Variants in RAB11FIP4 observed in about 807,000 individuals in gnomAD.
RAB11FIP4 encodes the protein RAB11 family interacting protein 4, also known as rab11 family-interacting protein 4.
RAB11FIP4 carries 23 observed loss-of-function variants against 74.3 expected under a neutral mutation model. The observed-to-expected ratio is 0.31, with a 90% confidence interval of 0.22 to 0.44. The LOEUF (loss-of-function observed/expected upper bound fraction) is 0.44. Among genes scored for constraint, RAB11FIP4 ranks in the 20% least tolerant of loss-of-function variants. The pLI is 1.00. For synonymous variants in RAB11FIP4, 360 were observed against 359.9 expected (o/e 1.00, Z 0.00); for missense variants, 630 against 863.9 (o/e 0.73, Z 3.39).
At chr17:31,481,064 C>CTGAAAGAATGAAGGAATGAA (rs2071844162) in intron 3 of RAB11FIP4, among the ~76,000 whole-genome samples, 3 of 152,014 alleles carry the variant, frequency 2.0e-5, no homozygotes, top group Admixed American at 1.3e-4. Flanking sequence ...GAAGGAATGA[C>CTGAAAGAATGAAGGAATGAA]TGAAAGAATG....
chr17:31,451,277 G>T (rs2071524222), intron 3 of RAB11FIP4, among the ~76,000 whole-genome samples: 1 of 151,868 alleles, frequency 6.6e-6, no homozygotes, highest in African/African-American at 2.4e-5. Context: ...TGGCCAACAT[G>T]GTGAAACCCC....
At chr17:31,398,398 G>A (rs952401481) in intron 1 of RAB11FIP4, among the ~76,000 whole-genome samples, 5 of 152,176 alleles carry the variant, frequency 3.3e-5, no homozygotes, top group Admixed American at 2.6e-4. Flanking sequence ...GAGTTCCAGC[G>A]TCATTCCCAA....
At chr17:31,525,344 C>G in intron 10 of RAB11FIP4, 114 bp downstream of exon 10, 1 of 1,047,544 alleles carries the variant, frequency 9.5e-7, no homozygotes. Flanking sequence ...GAGGGGCAGC[C>G]TCTTGAGACT....
chr17:31,474,055 G>A (rs1009098250), intron 3 of RAB11FIP4, among the ~76,000 whole-genome samples: 1 of 152,186 alleles, frequency 6.6e-6, no homozygotes, highest in Non-Finnish European at 1.5e-5. Flanking sequence ...CTTGGCTCCA[G>A]ATGCCCCGGG....
intron 3 of RAB11FIP4, among the ~76,000 whole-genome samples, chr17:31,505,594 T>TATAATATATAATA (rs1952948103): frequency 1.4e-5 from 1 of 69,842 alleles, no homozygotes; most frequent in Non-Finnish European, 2.5e-5. Context: ...AATAATTATA[T>TATAATATATAATA]ATTATATAAT....
At chr17:31,429,828 C>CAA (rs751342010) in intron 1 of RAB11FIP4, among the ~76,000 whole-genome samples, 8,870 of 79,194 alleles carry the variant, frequency 0.11, 609 homozygotes, top group Non-Finnish European at 0.13. Flanking sequence ...GATTCCATCT[C>CAA]AAAAAAAAAA....
chr17:31,508,513 G>A (rs1460731675), intron 3 of RAB11FIP4, among the ~76,000 whole-genome samples: 1 of 152,234 alleles, frequency 6.6e-6, no homozygotes, highest in Non-Finnish European at 1.5e-5. Context: ...CTGGACAGGT[G>A]TGGAATGTTG....
chr17:31,519,141 A>G (rs2072617599), intron 4 of RAB11FIP4, among the ~76,000 whole-genome samples: 1 of 150,146 alleles, frequency 6.7e-6, no homozygotes, highest in Non-Finnish European at 1.5e-5. Context: ...CAGCCTCCCA[A>G]GTAGCTGGGA....
At chr17:31,469,073 T>C (rs1056382132) in intron 3 of RAB11FIP4, among the ~76,000 whole-genome samples, 1 of 152,212 alleles carries the variant, frequency 6.6e-6, no homozygotes, top group African/African-American at 2.4e-5. Context: ...TGGCTTTCAT[T>C]CTTATTGCCC....
In RAB11FIP4 at chr17:31,535,468, C is replaced by T. The variant is rs144499052; in HGVS notation, c.*3736C>T. ...CCTCCCCAGGTGATGATATGCAGTC[C>T]GAGGTTGAGACTGCCCTGTCCTGCA... On this transcript the variant is annotated 3_prime_UTR_variant, in exon 15 of 15. Transcript: ENST00000621161. 1.3e-5 allele frequency: 2 copies of T among 152,096 alleles called. No homozygotes were observed. The highest frequency in any genetic ancestry group is 2.9e-5 in the Non-Finnish European group (2 of 68,028). The allele number at this position is 152,096 out of a possible 1,614,324, so 9.4% of individuals were successfully genotyped here.
intron 3 of RAB11FIP4, among the ~76,000 whole-genome samples, chr17:31,463,200 C>T (rs556122949): frequency 2.6e-4 from 40 of 152,188 alleles, no homozygotes; most frequent in Non-Finnish European, 3.4e-4. Context: ...ATGGAGAACA[C>T]GAGACTCCAG....
At chr17:31,459,337 A>G (rs766688406) in intron 3 of RAB11FIP4, among the ~76,000 whole-genome samples, 1 of 152,106 alleles carries the variant, frequency 6.6e-6, no homozygotes, top group Non-Finnish European at 1.5e-5. Context: ...CCACACTGGT[A>G]TCACTTATTC....
In RAB11FIP4 at chr17:31,528,495, G is replaced by A. The variant is rs140676504; in HGVS notation, c.1446G>A (p.Leu482=). ...TGTACAAGCGCATGATGGACAAGCT[G>A]CGACAGAACCGCCTTGAGTTCCAGA... is the stretch of plus-strand genomic sequence containing the variant. The part of the protein sequence containing the change: ...MDLYKRMMDK[L]RQNRLEFQKE... The change falls in exon 12 of 15, where the codon CTG becomes CTA. Residue 482 remains leucine (L), a synonymous_variant. Transcript: ENST00000621161. The A allele has an allele frequency of 1.1e-5, 17 of 1,613,866 alleles. No homozygotes were observed. In the Admixed American group the frequency reaches 1.7e-4, roughly 16 times the overall value.
At chr17:31,449,943 G>A (rs1036089797) in intron 3 of RAB11FIP4, among the ~76,000 whole-genome samples, 2 of 152,166 alleles carry the variant, frequency 1.3e-5, no homozygotes, top group African/African-American at 4.8e-5. Flanking sequence ...ATGGTGTGTG[G>A]TGAATAGATC....
At chr17:31,402,811 G>C (rs1597897798) in intron 1 of RAB11FIP4, among the ~76,000 whole-genome samples, 1 of 151,334 alleles carries the variant, frequency 6.6e-6, no homozygotes, top group Non-Finnish European at 1.5e-5. Context: ...ATTTTTAGTA[G>C]AGACGGGGTT....
intron 3 of RAB11FIP4, among the ~76,000 whole-genome samples, chr17:31,504,875 G>C (rs78979868): frequency 0.013 from 2,024 of 152,274 alleles, 33 homozygotes; most frequent in African/African-American, 0.042. Flanking sequence ...GTGTGGTCCT[G>C]GGACAAGTGG....
chr17:31,488,303 A>G (rs2071940040), intron 3 of RAB11FIP4: 3 of 1,171,084 alleles, frequency 2.6e-6, no homozygotes, highest in South Asian at 8.5e-5. Context: ...TGGCGCTCGC[A>G]GGGCTCCGGC....
At chr17:31,475,564 T>C (rs2071783248) in intron 3 of RAB11FIP4, among the ~76,000 whole-genome samples, 1 of 152,244 alleles carries the variant, frequency 6.6e-6, no homozygotes, top group South Asian at 2.1e-4. Flanking sequence ...ATTCTGTATT[T>C]GCAAATTTGC....
At chr17:31,457,269 C>T (rs565363088) in intron 3 of RAB11FIP4, among the ~76,000 whole-genome samples, 10 of 152,226 alleles carry the variant, frequency 6.6e-5, no homozygotes, top group South Asian at 4.1e-4. Context: ...CTGTGCCCTG[C>T]GCTGGGCCTG....
Sources: gnomAD v4.1 joint callset for allele counts (sites outside exome capture counted in the v4.1 genomes callset) on GRCh38, gnomAD v4.1.1 for gene constraint, MANE v1.5 for transcripts, NCBI Gene and HGNC (gene_info 2026-07-23, HGNC 2026-07-21) for gene names.